The following SLC14A2 variants were observed in gnomAD, a reference collection of about 807,000 sequenced individuals.
SLC14A2 encodes urea transporter 2.
A neutral mutation model predicts 104.6 loss-of-function variants in SLC14A2; 91 were observed. The observed-to-expected ratio is 0.87, with a 90% CI of 0.73 to 1.04. SLC14A2 has a LOEUF of 1.04. SLC14A2 is among the 50% of genes least tolerant of loss of function. The probability of loss-of-function intolerance (pLI) is 0.00; values close to 1 mark genes in which losing one functional copy is unlikely to be tolerated. For synonymous variants in SLC14A2, 476 were observed against 466.4 expected (o/e 1.02, Z -0.27); for missense variants, 1,189 against 1,156.0 (o/e 1.03, Z -0.41).
chr18:45,495,936 T>C (rs2043089061), intron 2 of SLC14A2, among the ~76,000 whole-genome samples: 1 of 152,190 alleles, frequency 6.6e-6, no homozygotes, highest in Admixed American at 6.5e-5. Context: ...TGCTGAAAGT[T>C]TGAAGACCAC....
intron 1 of SLC14A2, among the ~76,000 whole-genome samples, chr18:45,307,035 G>A (rs1397972963): frequency 6.6e-6 from 1 of 152,118 alleles, no homozygotes; most frequent in East Asian, 1.9e-4. Context: ...TCTTGCCTCG[G>A]TTATCATAGG....
rs138809132 is a variant in SLC14A2, at chr18:45,385,296, T to C, written c.-124-97937T>C. 4.8e-3 allele frequency among the ~76,000 whole-genome samples: 736 copies of C among 152,324 alleles called. 6 individuals are homozygous for C. The highest frequency in any genetic ancestry group is 0.015 in the African/African-American group (620 of 41,564). Reference sequence around the variant, plus strand: ...TGCAGGTTGATAACGCTTTCGAGTGTGCAGGAATCACAGGACCCCACACTA... The same window carrying C: ...TGCAGGTTGATAACGCTTTCGAGTGCGCAGGAATCACAGGACCCCACACTA... On this transcript the variant is annotated intron_variant, in intron 1 of 20. Transcript: ENST00000586448.
chr18:45,477,402 G>A (rs1250120459), intron 1 of SLC14A2, among the ~76,000 whole-genome samples: 2 of 152,210 alleles, frequency 1.3e-5, no homozygotes, highest in African/African-American at 2.4e-5. Context: ...GAGCTCTCCT[G>A]TATGAGGTGT....
Position 45,585,631 on chromosome 18 carries a change from C to T in SLC14A2, c.-34-39000C>T, listed in dbSNP as rs143542259. On this transcript the variant is annotated intron_variant, in intron 2 of 20. Coordinates refer to the SLC14A2 transcript ENST00000586448. ...TGCAAGGCAGATCCAGCTTAGTTCC[C>T]CTGGAGCCCTGAGCCCAGAGAAGTG... Among the ~76,000 whole-genome samples the T allele has an allele frequency of 2.9e-3, 449 of 152,318 alleles. 1 individual carries two copies. Among genetic ancestry groups the T allele is most frequent in the African/African-American group, 0.01 (430 of 41,556 alleles).
intron 1 of SLC14A2, among the ~76,000 whole-genome samples, chr18:45,350,485 A>C (rs895050043): frequency 6.6e-6 from 1 of 152,208 alleles, no homozygotes; most frequent in African/African-American, 2.4e-5. Flanking sequence ...ACAGCTCTGC[A>C]TGCTGGATAA....
intron 2 of SLC14A2, among the ~76,000 whole-genome samples, chr18:45,539,636 G>A (rs898806816): frequency 3.3e-5 from 5 of 152,156 alleles, no homozygotes; most frequent in African/African-American, 7.2e-5. Flanking sequence ...TTTGAAATAC[G>A]GCTGCCTCTT....
chr18:45,227,308 A>G (rs2084129321), intron 1 of SLC14A2, among the ~76,000 whole-genome samples: 1 of 152,238 alleles, frequency 6.6e-6, no homozygotes, highest in Non-Finnish European at 1.5e-5. Context: ...AAAGAAGGAC[A>G]AAATGCTAAA....
At chr18:45,548,585 T>G (rs1434817801) in intron 2 of SLC14A2, among the ~76,000 whole-genome samples, 1 of 152,148 alleles carries the variant, frequency 6.6e-6, no homozygotes, top group Non-Finnish European at 1.5e-5. Flanking sequence ...GCACCTGTGG[T>G]CCCAGCTACT....
intron 2 of SLC14A2, chr18:45,492,215 GC>G (rs1568238522): frequency 6.6e-6 from 1 of 152,190 alleles, no homozygotes; most frequent in African/African-American, 2.4e-5. Context: ...TTTCCTGGAG[GC>G]CCTTAACTTG....
At chr18:45,339,417 C>T (rs2085370972) in intron 1 of SLC14A2, among the ~76,000 whole-genome samples, 1 of 152,134 alleles carries the variant, frequency 6.6e-6, no homozygotes, top group South Asian at 2.1e-4. Flanking sequence ...AAGCTGAATG[C>T]CTGCAGTAGG....
At chr18:45,586,354 G>A (rs987731671) in intron 2 of SLC14A2, among the ~76,000 whole-genome samples, 1 of 152,192 alleles carries the variant, frequency 6.6e-6, no homozygotes, top group African/African-American at 2.4e-5. Flanking sequence ...GTGAGGAGTG[G>A]GGGAGGAGAG....
At chr18:45,483,552 GA>G in intron 2 of SLC14A2, 1 of 152,184 alleles carries the variant, frequency 6.6e-6, no homozygotes, top group Non-Finnish European at 1.5e-5. Flanking sequence ...CATCTCCTCT[GA>G]AAAATTTAAA....
the SLC14A2 span, among the ~76,000 whole-genome samples, chr18:45,186,343 C>A: frequency 6.6e-6 from 1 of 152,090 alleles, no homozygotes; most frequent in Non-Finnish European, 1.5e-5. Flanking sequence ...GGTGCAAAAG[C>A]AAACTAAATG....
At chr18:45,348,720 A>G (rs1568162188) in intron 1 of SLC14A2, among the ~76,000 whole-genome samples, 1 of 152,186 alleles carries the variant, frequency 6.6e-6, no homozygotes, top group South Asian at 2.1e-4. Flanking sequence ...GATTTTCTCT[A>G]TTTAATAAAT....
chr18:45,437,259 G>T (rs559796883), intron 1 of SLC14A2, among the ~76,000 whole-genome samples: 43 of 152,274 alleles, frequency 2.8e-4, no homozygotes, highest in Non-Finnish European at 4.4e-4. Flanking sequence ...ATTCACTAAG[G>T]CACTCCTCCT....
intron 2 of SLC14A2, among the ~76,000 whole-genome samples, chr18:45,586,768 AC>A (rs1310667272): frequency 6.6e-6 from 1 of 151,702 alleles, no homozygotes; most frequent in East Asian, 1.9e-4. Flanking sequence ...GCCTTAGGTT[AC>A]CCCCACCTTC....
chr18:45,388,176 C>T (rs535297252), intron 1 of SLC14A2, among the ~76,000 whole-genome samples: 6 of 148,324 alleles, frequency 4.0e-5, no homozygotes, highest in African/African-American at 5.0e-5. Flanking sequence ...CCTGGGTTCA[C>T]GCCATTCTCC....
At chr18:45,212,067 T>C (rs1199955940), upstream of SLC14A2, among the ~76,000 whole-genome samples, 2 of 152,248 alleles carry the variant, frequency 1.3e-5, no homozygotes, top group African/African-American at 2.4e-5. Context: ...TTAATTCTTA[T>C]ATATTTTTCT....
intron 1 of SLC14A2, among the ~76,000 whole-genome samples, chr18:45,620,694 G>A (rs1347424756): frequency 1.3e-5 from 2 of 152,000 alleles, no homozygotes; most frequent in Non-Finnish European, 2.9e-5. Context: ...CTTACGGTTA[G>A]GAAATAATTT....
Sources: allele counts gnomAD v4.1 joint callset (sites outside exome capture counted in the v4.1 genomes callset), GRCh38; gene constraint gnomAD v4.1.1; transcripts MANE v1.5; gene names NCBI Gene and HGNC (gene_info 2026-07-23, HGNC 2026-07-21).